Variants in RNF2 observed in about 807,000 individuals in gnomAD.
RNF2 encodes the protein ring finger protein 2.
A neutral mutation model predicts 37.2 loss-of-function variants in RNF2; 6 were observed. The observed-to-expected ratio is 0.16, with a 90% CI of 0.09 to 0.32. RNF2 has a LOEUF of 0.32. Among genes scored for constraint, RNF2 ranks in the 10% least tolerant of loss-of-function variants. RNF2 has a pLI of 1.00. For missense variants in RNF2, 251 were observed against 404.0 expected (o/e 0.62, Z 3.25); for synonymous variants, 133 against 132.7 (o/e 1.00, Z -0.02).
intron 4 of RNF2, among the ~76,000 whole-genome samples, chr1:185,093,884 T>C (rs1023119509): frequency 1.3e-5 from 2 of 152,220 alleles, no homozygotes. Flanking sequence ...ATACAAAATC[T>C]GTCTCCAAAT....
At chr1:185,091,057 T>C (rs545729074) in intron 2 of RNF2, among the ~76,000 whole-genome samples, 39 of 152,324 alleles carry the variant, frequency 2.6e-4, no homozygotes, top group African/African-American at 9.1e-4. Flanking sequence ...GAAATTCTAT[T>C]AAGCTGTTTA....
At chr1:185,060,003 A>T (rs951372616) in intron 1 of RNF2, among the ~76,000 whole-genome samples, 2 of 152,212 alleles carry the variant, frequency 1.3e-5, no homozygotes, top group Non-Finnish European at 2.9e-5. Flanking sequence ...TTCCATTGAC[A>T]CAAGGGAATG....
chr1:185,094,473 C>G (rs1360220880), intron 4 of RNF2, among the ~76,000 whole-genome samples: 1 of 152,076 alleles, frequency 6.6e-6, no homozygotes, highest in African/African-American at 2.4e-5. Flanking sequence ...TTTACACATC[C>G]TGTATTCCAG....
chr1:185,058,212 C>G (rs368144564), intron 1 of RNF2, among the ~76,000 whole-genome samples: 1 of 152,150 alleles, frequency 6.6e-6, no homozygotes, highest in South Asian at 2.1e-4. Flanking sequence ...TATAGGTAAT[C>G]TAGAGATGAT....
intron 1 of RNF2, among the ~76,000 whole-genome samples, chr1:185,074,813 A>G (rs906031227): frequency 3.3e-5 from 5 of 152,066 alleles, no homozygotes; most frequent in South Asian, 2.1e-4. Context: ...TAATCTAGAG[A>G]TGATTTAAAG....
At chr1:185,067,833 C>T (rs138561664) in intron 1 of RNF2, among the ~76,000 whole-genome samples, 1,831 of 150,612 alleles carry the variant, frequency 0.012, 36 homozygotes, top group African/African-American at 0.042. Context: ...ACCTCAGCCT[C>T]TCGAGTAGCT....
At chr1:185,046,717 A>T (rs574118294) in intron 1 of RNF2, among the ~76,000 whole-genome samples, 33 of 152,308 alleles carry the variant, frequency 2.2e-4, no homozygotes, top group African/African-American at 6.7e-4. Context: ...TTTTTCAATT[A>T]AAAAAATTAA....
At chr1:185,072,239 T>C (rs1042785096) in intron 1 of RNF2, among the ~76,000 whole-genome samples, 1 of 151,036 alleles carries the variant, frequency 6.6e-6, no homozygotes. Context: ...TGGACTCTCA[T>C]GTTGAGGGGT....
intron 1 of RNF2, among the ~76,000 whole-genome samples, chr1:185,075,834 CA>C (rs1651133551): frequency 2.0e-5 from 3 of 152,218 alleles, no homozygotes; most frequent in African/African-American, 7.2e-5. Context: ...TGGGCGAAGC[CA>C]CAAATCTTAA....
chr1:185,099,776 G>T lies in RNF2; in HGVS notation c.738-15G>T, dbSNP rs1209952610. ...ATATTCTAGAAATGAAATTTTTAAT[G>T]ATTTATTCTTCTAGATACATAAAGA... On this transcript the variant is annotated splice_polypyrimidine_tract_variant and intron_variant, in intron 5 of 6. Coordinates refer to ENST00000367510, the MANE Select transcript of RNF2 (RefSeq NM_007212.4). The T allele has an allele frequency of 6.3e-7, 1 of 1,595,440 alleles. No homozygotes were observed. Among genetic ancestry groups the T allele is most frequent in the East Asian group, 2.2e-5 (1 of 44,516 alleles).
At chr1:185,064,146 ATC>A (rs201614864) in intron 1 of RNF2, among the ~76,000 whole-genome samples, 1,806 of 152,306 alleles carry the variant, frequency 0.012, 20 homozygotes, top group Non-Finnish European at 0.018. Flanking sequence ...GAATATTTCA[ATC>A]TGTCTTAAAT....
At chr1:185,063,059 T>A (rs1650660424) in intron 1 of RNF2, among the ~76,000 whole-genome samples, 2 of 152,254 alleles carry the variant, frequency 1.3e-5, no homozygotes, top group South Asian at 4.1e-4. Flanking sequence ...TCTAGGAATT[T>A]GTCCTGGACA....
intron 5 of RNF2, 111 bp downstream of exon 5, chr1:185,098,455 A>G: frequency 7.9e-7 from 1 of 1,266,696 alleles, no homozygotes; most frequent in Admixed American, 2.1e-5. Flanking sequence ...CATTGATTGC[A>G]GGGGTTCAGT....
chr1:185,087,421 G>A, intron 1 of RNF2, 131 bp from the exon 2 acceptor site: 1 of 707,000 alleles, frequency 1.4e-6, no homozygotes, highest in East Asian at 2.7e-5. Flanking sequence ...ACCTCCCAAA[G>A]TCCCCACCTC....
intron 1 of RNF2, among the ~76,000 whole-genome samples, chr1:185,071,349 G>C (rs527550932): frequency 6.6e-6 from 1 of 152,298 alleles, no homozygotes; most frequent in South Asian, 2.1e-4. Flanking sequence ...TATCCTGAAA[G>C]ATTAAGACGA....
chr1:185,096,893 T>A (rs1651928298), intron 4 of RNF2, among the ~76,000 whole-genome samples: 1 of 151,960 alleles, frequency 6.6e-6, no homozygotes, highest in Non-Finnish European at 1.5e-5. Flanking sequence ...ACCATTGGAC[T>A]GTTATTTCTT....
At chr1:185,084,987 G>A (rs965784451) in intron 1 of RNF2, among the ~76,000 whole-genome samples, 2 of 152,022 alleles carry the variant, frequency 1.3e-5, no homozygotes, top group Non-Finnish European at 2.9e-5. Flanking sequence ...TGCCCACATC[G>A]TCTGCTGGAC....
At chr1:185,069,542 A>G (rs1650905994) in intron 1 of RNF2, among the ~76,000 whole-genome samples, 1 of 152,040 alleles carries the variant, frequency 6.6e-6, no homozygotes, top group African/African-American at 2.4e-5. Flanking sequence ...ACAGTGATCC[A>G]GCACATGCTA....
intron 1 of RNF2, among the ~76,000 whole-genome samples, chr1:185,074,796 T>C (rs1232924346): frequency 6.6e-6 from 1 of 152,278 alleles, no homozygotes; most frequent in South Asian, 2.1e-4. Flanking sequence ...GTATTGAGTA[T>C]TGTAAGTAAT....
Sources: allele counts gnomAD v4.1 joint callset (sites outside exome capture counted in the v4.1 genomes callset), GRCh38; gene constraint gnomAD v4.1.1; transcripts MANE v1.5; gene names NCBI Gene and HGNC (gene_info 2026-07-23, HGNC 2026-07-21).